The following TNFRSF11A variants were observed in gnomAD, a reference collection of about 807,000 sequenced individuals.
TNFRSF11A encodes the protein TNF receptor superfamily member 11a.
A neutral mutation model predicts 55.7 loss-of-function variants in TNFRSF11A; 32 were observed. That is an observed-to-expected ratio of 0.57 (90% CI 0.43 to 0.77). TNFRSF11A has a LOEUF of 0.77. TNFRSF11A is among the 30% of genes least tolerant of loss of function. The probability of loss-of-function intolerance (pLI) is 0.00; values close to 1 mark genes in which losing one functional copy is unlikely to be tolerated. For missense variants in TNFRSF11A, 753 were observed against 809.8 expected (o/e 0.93, Z 0.85); for synonymous variants, 311 against 331.0 (o/e 0.94, Z 0.65).
intron 7 of TNFRSF11A, among the ~76,000 whole-genome samples, chr18:62,366,449 G>A (rs1188913243): frequency 6.6e-6 from 1 of 152,220 alleles, no homozygotes; most frequent in Non-Finnish European, 1.5e-5. Flanking sequence ...GATGGGGACT[G>A]TAGTTAATCA....
At chr18:62,361,455 C>T (rs1042327747) in intron 6 of TNFRSF11A, among the ~76,000 whole-genome samples, 5 of 152,136 alleles carry the variant, frequency 3.3e-5, no homozygotes. Context: ...TGGCTGCTCT[C>T]CCGTAGAGTG....
intron 8 of TNFRSF11A, among the ~76,000 whole-genome samples, chr18:62,367,797 T>TC (rs1910206479): frequency 2.9e-5 from 4 of 137,900 alleles, no homozygotes; most frequent in Non-Finnish European, 6.2e-5. Context: ...TCTTTTTTTT[T>TC]TTTTTTTTTT....
chr18:62,369,243 G>T lies in TNFRSF11A; in HGVS notation c.1326G>T (p.Trp442Cys). The change falls in exon 9 of 10, where the codon TGG becomes TGT. Residue 442 changes from tryptophan (W) to cysteine (C), a missense_variant. Transcript: ENST00000586569. ...GGGCAGCCAGCCCCAGCCCCAACTG[G>T]GCAGATGTCTGCACAGGCTGCCGGA... ...PHWAASPSPN[W>C]ADVCTGCRNP... is the part of the protein sequence containing the mutation. The T allele has an allele frequency of 6.2e-7, 1 of 1,613,634 alleles. No homozygotes were observed. Among genetic ancestry groups the T allele is most frequent in the Non-Finnish European group, 8.5e-7 (1 of 1,180,042 alleles).
chr18:62,371,939 G>A (rs1910583647), intron 9 of TNFRSF11A, among the ~76,000 whole-genome samples: 1 of 152,114 alleles, frequency 6.6e-6, no homozygotes, highest in South Asian at 2.1e-4. Flanking sequence ...GGGTTTTTTG[G>A]ATTTTTATAT....
intron 1 of TNFRSF11A, among the ~76,000 whole-genome samples, chr18:62,328,128 G>A (rs2046100846): frequency 6.6e-6 from 1 of 152,176 alleles, no homozygotes; most frequent in South Asian, 2.1e-4. Context: ...ACAGTCTAGT[G>A]GAGAGCGCCA....
intron 1 of TNFRSF11A, chr18:62,336,908 G>C (rs1397901401): frequency 1.3e-5 from 2 of 152,238 alleles, no homozygotes; most frequent in Non-Finnish European, 2.9e-5. Flanking sequence ...TGCATTGTGA[G>C]GGGAGTAAGG....
At chr18:62,327,332 A>G (rs996515773) in intron 1 of TNFRSF11A, among the ~76,000 whole-genome samples, 1 of 152,160 alleles carries the variant, frequency 6.6e-6, no homozygotes, top group Non-Finnish European at 1.5e-5. Flanking sequence ...GGCCACTACC[A>G]CCTGCCCTGA....
At chr18:62,382,401 G>A (rs1030673139) in intron 9 of TNFRSF11A, among the ~76,000 whole-genome samples, 2 of 152,100 alleles carry the variant, frequency 1.3e-5, no homozygotes, top group Non-Finnish European at 2.9e-5. Context: ...GTGAGCCACC[G>A]CGCCCGGCCT....
chr18:62,347,577 G>T (rs917087917), intron 1 of TNFRSF11A, among the ~76,000 whole-genome samples: 2 of 152,154 alleles, frequency 1.3e-5, no homozygotes, highest in African/African-American at 2.4e-5. Context: ...ACAACACCTT[G>T]CTTTCCCCGC....
At position 62,369,200 on chromosome 18, in the gene TNFRSF11A, G is replaced by T. The variant is rs1910331022; in HGVS notation, c.1283G>T (p.Ser428Ile). Residue 428 changes from serine (S) to isoleucine (I), a missense_variant, in exon 9 of 10, where the codon AGT (serine) becomes ATT (isoleucine). Ser to Ile is a moderately radical substitution (Grantham distance 142). This residue lies in a region of TNFRSF11A where 567 missense variants were observed against 596.7 expected (regional missense o/e 0.95). Coordinates refer to ENST00000586569, the MANE Select transcript of TNFRSF11A (RefSeq NM_003839.4). ...SENYLQKEVD[S>I]GHCPHWAASP... is the part of the protein sequence containing the mutation. ...AACTACTTGCAAAAAGAGGTGGACA[G>T]TGGCCATTGCCCGCACTGGGCAGCC... 6.2e-7 allele frequency: 1 copy of T among 1,613,908 alleles called. No individual in the cohort carries two copies. Among genetic ancestry groups the T allele is most frequent in the Non-Finnish European group, 8.5e-7 (1 of 1,180,066 alleles).
At position 62,388,696 on chromosome 18, in the gene TNFRSF11A, C is replaced by T. The variant is rs1281306462; in HGVS notation, c.*3662C>T. The stretch of plus-strand genomic sequence containing the variant: ...GGACACCCACGTTCATATTTAAGTG[C>T]TGTGTCAAAATTCTTTCCAGAGCCA... On this transcript the variant is annotated 3_prime_UTR_variant, in exon 10 of 10. Coordinates refer to ENST00000586569, the MANE Select transcript of TNFRSF11A (RefSeq NM_003839.4). The T allele has an allele frequency of 1.3e-5, 2 of 152,264 alleles. No homozygotes were observed. The highest frequency in any genetic ancestry group is 4.8e-5 in the African/African-American group (2 of 41,478). 9.4% of individuals were successfully genotyped at this position (152,264 alleles called of 1,614,324 possible). A position where few individuals can be genotyped will look rare whatever the true frequency, so the allele number is the denominator to read the frequency against.
At chr18:62,349,787 C>T in intron 2 of TNFRSF11A, 25 bp from the exon 3 acceptor site, 2 of 1,613,220 alleles carry the variant, frequency 1.2e-6, no homozygotes, top group Non-Finnish European at 8.5e-7. Flanking sequence ...TTGATGGTTG[C>T]ATTTTTCTCC....
intron 7 of TNFRSF11A, among the ~76,000 whole-genome samples, chr18:62,363,572 T>G (rs1909857363): frequency 6.6e-6 from 1 of 152,026 alleles, no homozygotes; most frequent in African/African-American, 2.4e-5. Flanking sequence ...TTTCACCACG[T>G]TGGTCAGGCT....
In TNFRSF11A at chr18:62,385,091, C is replaced by T. The variant is rs1340690512; in HGVS notation, c.*57C>T. On this transcript the variant is annotated 3_prime_UTR_variant, in exon 10 of 10. Coordinates refer to ENST00000586569, the MANE Select transcript of TNFRSF11A (RefSeq NM_003839.4). ...GAGCCAGGGCTCGCGAGGGCAGCAC[C>T]GCAGCCTCTGCCCCAGCCCCGGCCA... 8.6e-6 allele frequency: 12 copies of T among 1,397,690 alleles called. No homozygotes were observed. The highest frequency in any genetic ancestry group is 1.1e-5 in the Non-Finnish European group (12 of 1,085,720). 86.6% of individuals were successfully genotyped at this position (1,397,690 alleles called of 1,614,324 possible). A position where few individuals can be genotyped will look rare whatever the true frequency, so the allele number is the denominator to read the frequency against.
intron 5 of TNFRSF11A, among the ~76,000 whole-genome samples, 182 bp from the exon 6 acceptor site, chr18:62,359,773 T>G (rs1909533616): frequency 6.6e-6 from 1 of 152,236 alleles, no homozygotes; most frequent in South Asian, 2.1e-4. Flanking sequence ...TGCTTTTGTT[T>G]ATTTGTTTGT....
In TNFRSF11A at chr18:62,325,345, C is replaced by G; in HGVS notation, c.-8C>G. 15 of 1,020,050 alleles carry G rather than the reference C, an allele frequency of 1.5e-5. No homozygotes were observed. The highest frequency in any genetic ancestry group is 1.8e-5 in the Non-Finnish European group (15 of 854,830). The allele number at this position is 1,020,050 out of a possible 1,614,324, so 63.2% of individuals were successfully genotyped here. A position where few individuals can be genotyped will look rare whatever the true frequency, so the allele number is the denominator to read the frequency against. ...GAGGCCGCGGCGCCCGCCAGCCTGT[C>G]CCGCGCCATGGCCCCGCGCGCCCGG... On this transcript the variant is annotated 5_prime_UTR_variant, in exon 1 of 10. Transcript: ENST00000586569. The surrounding 1 kb of genome is among the most constrained non-coding windows in gnomAD (Gnocchi z 4.7).
intron 8 of TNFRSF11A, 130 bp from the exon 9 acceptor site, chr18:62,368,571 G>A (rs1384439650): frequency 1.5e-5 from 14 of 943,452 alleles, no homozygotes; most frequent in Non-Finnish European, 2.3e-5. Flanking sequence ...AAGTTCCATA[G>A]TCAGTTTTCC....
At chr18:62,344,255 T>TA (rs1213634191) in intron 1 of TNFRSF11A, among the ~76,000 whole-genome samples, 2 of 152,222 alleles carry the variant, frequency 1.3e-5, no homozygotes, top group East Asian at 3.8e-4. Context: ...ATTCAATAAA[T>TA]AAAAATTTAA....
At chr18:62,341,418 C>T (rs141539051) in intron 1 of TNFRSF11A, among the ~76,000 whole-genome samples, 7 of 152,326 alleles carry the variant, frequency 4.6e-5, no homozygotes, top group African/African-American at 1.7e-4. Flanking sequence ...ATGGTTTGTG[C>T]GGGAAGATTG....
Sources: gnomAD v4.1 joint callset for allele counts (sites outside exome capture counted in the v4.1 genomes callset) on GRCh38, gnomAD v4.1.1 for gene constraint, gnomAD v4.1.1 regional missense constraint, Gnocchi (gnomAD v3.1) non-coding constraint, MANE v1.5 for transcripts, NCBI Gene and HGNC (gene_info 2026-07-23, HGNC 2026-07-21) for gene names.